CFAP91: variants seen among roughly 807,000 people sequenced by gnomAD.
CFAP91 encodes cilia and flagella associated protein 91.
A neutral mutation model predicts 95.9 loss-of-function variants in CFAP91; 85 were observed. The ratio of observed to expected loss-of-function variants is 0.89; its 90% CI spans 0.74 to 1.06. The LOEUF (loss-of-function observed/expected upper bound fraction) is 1.06, where lower values mean the gene tolerates loss of function less well. CFAP91 is among the 50% of genes least tolerant of loss of function. The pLI, the probability that CFAP91 is intolerant of heterozygous loss-of-function variation, is 0.00. For synonymous variants in CFAP91, 335 were observed against 327.5 expected (o/e 1.02, Z -0.25); for missense variants, 962 against 943.4 (o/e 1.02, Z -0.26).
intron 15 of CFAP91, 199 bp from the exon 16 acceptor site, chr3:119,747,612 T>A (rs556855372): frequency 7.5e-5 from 44 of 586,124 alleles, no homozygotes; most frequent in African/African-American, 7.5e-5. Flanking sequence ...GCAGGCAGGG[T>A]AACTGAAGGA....
chr3:119,732,442 T>G lies in CFAP91; in HGVS notation c.1167T>G (p.Phe389Leu), dbSNP rs1329893293. Residue 389 changes from phenylalanine (F) to leucine (L), a missense_variant, in exon 9 of 18, where the codon TTT (phenylalanine) becomes TTG (leucine). Transcript: ENST00000273390. Reference protein sequence around the residue: ...GCFPDNNSEDFVVKNYYLNTY... With the variant: ...GCFPDNNSEDLVVKNYYLNTY... ...TCCCAGACAACAACTCAGAGGACTT[T>G]GTAGTAAAAAACTACTATCTCAACA... The G allele has an allele frequency of 1.9e-6, 3 of 1,607,940 alleles. No individual in the cohort carries two copies. The highest frequency in any genetic ancestry group is 8.5e-7 in the Non-Finnish European group (1 of 1,178,310).
chr3:119,716,080 G>T, intron 6 of CFAP91: 1 of 488,798 alleles, frequency 2.0e-6, no homozygotes, highest in Non-Finnish European at 3.6e-6. Context: ...TTAAACATAA[G>T]CTTTGAGTGT....
intron 14 of CFAP91, among the ~76,000 whole-genome samples, chr3:119,745,052 A>G (rs958049422): frequency 6.6e-6 from 1 of 152,224 alleles, no homozygotes; most frequent in African/African-American, 2.4e-5. Flanking sequence ...TCTAAATGGG[A>G]ATGATGTCAG....
rs936076600 is a variant in CFAP91, at chr3:119,726,456, C to CA, written c.860+110dup. ...AATGTATGGGTTGAAAAGCAATCCT[C>CA]AACCTATAGAGATAGGAAATTGGGC... is the stretch of plus-strand genomic sequence containing the variant. On this transcript the variant is annotated intron_variant, in intron 7 of 17. Coordinates refer to ENST00000273390, the MANE Select transcript of CFAP91 (RefSeq NM_033364.4). 3.7e-6 allele frequency: 4 copies of CA among 1,078,950 alleles called. No individual in the cohort carries two copies. In the African/African-American group the frequency reaches 6.5e-5, roughly 17 times the overall value. The allele number at this position is 1,078,950 out of a possible 1,614,324, so 66.8% of individuals were successfully genotyped here.
In CFAP91 at chr3:119,747,163, A is replaced by C; in HGVS notation, c.1951A>C (p.Ile651Leu). ...TATAAGCTCCTACCTAGAAGACATA[A>C]TACTGAATACCGAAGCGAATACTGC... ...STISSYLEDI[I>L]LNTEANTAEE... The change falls in exon 15 of 18, where the codon ATA (isoleucine) becomes CTA (leucine). Residue 651 changes from isoleucine (I) to leucine (L), a missense_variant. By Grantham distance (5) the Ile-to-Leu change is conservative (BLOSUM62 2). Transcript: ENST00000273390. The C allele has an allele frequency of 1.2e-6, 2 of 1,613,792 alleles. No homozygotes were observed.
intron 5 of CFAP91, 165 bp downstream of exon 5, chr3:119,710,060 A>G: frequency 1.7e-6 from 1 of 595,180 alleles, no homozygotes. Context: ...ATTTTAAAAC[A>G]TGAAACAGAA....
chr3:119,750,906 G>A (rs1349088019), intron 16 of CFAP91, 31 bp from the exon 17 acceptor site: 1 of 1,612,988 alleles, frequency 6.2e-7, no homozygotes, highest in South Asian at 1.1e-5. Context: ...CAGACTTTCA[G>A]AATGAAAATT....
rs1406966423 is a variant in CFAP91, at chr3:119,703,114, A to T, written c.16A>T (p.Thr6Ser). MSHAV[T>S]IEEPQAQPQV... The stretch of plus-strand genomic sequence containing the variant: ...AGGCGGCACCATGAGCCACGCAGTA[A>T]CCATCGAGGAGCCCCAGGCCCAGCC... Residue 6 changes from threonine (T) to serine (S), a missense_variant, in exon 1 of 18, where the codon ACC (threonine) becomes TCC (serine). Transcript: ENST00000273390. The T allele has an allele frequency of 6.4e-7, 1 of 1,560,624 alleles. No individual in the cohort carries two copies. Among genetic ancestry groups the T allele is most frequent in the Non-Finnish European group, 8.7e-7 (1 of 1,151,986 alleles).
intron 6 of CFAP91, among the ~76,000 whole-genome samples, chr3:119,718,907 A>AT (rs1486675412): frequency 2.1e-5 from 3 of 141,106 alleles, no homozygotes; most frequent in Non-Finnish European, 3.0e-5. Context: ...CTAAGTATAC[A>AT]TCAAAAAAAA....
intron 16 of CFAP91, 24 bp downstream of exon 16, chr3:119,747,926 T>C (rs745392863): frequency 7.9e-6 from 12 of 1,518,800 alleles, no homozygotes; most frequent in Admixed American, 1.8e-5. Context: ...AATGCTTTAC[T>C]TTAGGATTTT....
rs200730852 is a variant in CFAP91, at chr3:119,744,164, C to A, written c.1870C>A (p.Arg624Ser). 2.3e-5 allele frequency: 37 copies of A among 1,613,072 alleles called. No individual in the cohort carries two copies. The highest frequency in any genetic ancestry group is 2.9e-5 in the Non-Finnish European group (34 of 1,179,496). ...TGGTCGGCGCCAGGTGGAAAAACAG[C>A]GCCTGCGGGAGGAGGACGAGATATT... ...ESGRRQVEKQ[R>S]LREEDEIFKE... Residue 624 changes from arginine (R) to serine (S), a missense_variant, in exon 14 of 18, where the codon CGC becomes AGC. Physicochemically the swap from Arg to Ser is moderately radical, Grantham distance 110 (BLOSUM62 -1). Coordinates refer to ENST00000273390, the MANE Select transcript of CFAP91 (RefSeq NM_033364.4).
At chr3:119,717,144 C>T (rs1452049830) in intron 6 of CFAP91, among the ~76,000 whole-genome samples, 1 of 152,188 alleles carries the variant, frequency 6.6e-6, no homozygotes, top group Non-Finnish European at 1.5e-5. Context: ...GTCCAAGTCA[C>T]CTGCCTGAAG....
At chr3:119,757,572 A>G (rs1234801151) in intron 17 of CFAP91, among the ~76,000 whole-genome samples, 2 of 152,144 alleles carry the variant, frequency 1.3e-5, no homozygotes, top group Non-Finnish European at 2.9e-5. Flanking sequence ...GCTTGAGCCC[A>G]GGAGGCAGAG....
At chr3:119,710,511 C>G (rs562423901) in intron 5 of CFAP91, 2 of 152,212 alleles carry the variant, frequency 1.3e-5, no homozygotes, top group East Asian at 3.8e-4. Flanking sequence ...AAAGCCTTAC[C>G]TCTTAATACC....
intron 17 of CFAP91, among the ~76,000 whole-genome samples, chr3:119,757,223 G>T (rs1371320650): frequency 1.3e-5 from 2 of 152,022 alleles, no homozygotes; most frequent in African/African-American, 4.8e-5. Flanking sequence ...TTAATAGCAC[G>T]GCCTCCCCCT....
intron 6 of CFAP91, among the ~76,000 whole-genome samples, chr3:119,719,761 A>G (rs6778570): frequency 0.73 from 111,167 of 152,080 alleles, 42,501 homozygotes; most frequent in Non-Finnish European, 0.85. Context: ...CAGAATAAAC[A>G]ACTTAAGAAA....
chr3:119,760,038 C>T (rs1047299380), intron 17 of CFAP91, among the ~76,000 whole-genome samples: 4 of 151,810 alleles, frequency 2.6e-5, no homozygotes, highest in Admixed American at 2.0e-4. Flanking sequence ...CAATAATTAC[C>T]TTGAATGTAA....
chr3:119,706,302 C>G (rs905250923), intron 1 of CFAP91: 2 of 152,340 alleles, frequency 1.3e-5, no homozygotes, highest in African/African-American at 4.8e-5. Context: ...GGGGTGAATT[C>G]TGAAGATAGC....
chr3:119,741,060 C>T (rs1056173065), intron 13 of CFAP91, among the ~76,000 whole-genome samples: 3 of 152,142 alleles, frequency 2.0e-5, no homozygotes, highest in Admixed American at 6.5e-5. Context: ...CCATATTGGC[C>T]AGGCTGGTCT....
Sources: allele counts gnomAD v4.1 joint callset (sites outside exome capture counted in the v4.1 genomes callset), GRCh38; gene constraint gnomAD v4.1.1; transcripts MANE v1.5; gene names NCBI Gene and HGNC (gene_info 2026-07-23, HGNC 2026-07-21).